Variants in ZNF343 observed in about 807,000 individuals in gnomAD.
ZNF343 encodes the protein zinc finger protein 343.
ZNF343 carries 11 observed loss-of-function variants against 13.8 expected under a neutral mutation model. The ratio of observed to expected loss-of-function variants is 0.80; its 90% CI spans 0.50 to 1.32. The LOEUF (loss-of-function observed/expected upper bound fraction) is 1.32, where lower values mean the gene tolerates loss of function less well. Ranked by LOEUF, ZNF343 falls within the 40% of genes most tolerant of loss-of-function variation. The pLI is 0.00. For missense variants in ZNF343, 658 were observed against 714.2 expected (o/e 0.92, Z 0.90); for synonymous variants, 248 against 260.0 (o/e 0.95, Z 0.44).
At chr20:2,495,820 A>G (rs1292916702) in intron 2 of ZNF343, among the ~76,000 whole-genome samples, 1 of 151,980 alleles carries the variant, frequency 6.6e-6, no homozygotes, top group Non-Finnish European at 1.5e-5. Context: ...ACCTGGGATT[A>G]CAGGCACCTG....
At chr20:2,517,533 ACT>A (rs955247798) in intron 1 of ZNF343, among the ~76,000 whole-genome samples, 4 of 149,698 alleles carry the variant, frequency 2.7e-5, no homozygotes, top group Admixed American at 1.3e-4. Flanking sequence ...CTTACTCTGC[ACT>A]CTGTCACCCA....
At chr20:2,489,964 C>T (rs1442848426) in intron 5 of ZNF343, among the ~76,000 whole-genome samples, 1 of 140,138 alleles carries the variant, frequency 7.1e-6, no homozygotes, top group Non-Finnish European at 1.5e-5. Flanking sequence ...CCAGCCTGGA[C>T]AACATGGCAA....
intron 1 of ZNF343, among the ~76,000 whole-genome samples, chr20:2,513,950 G>T (rs755922334): frequency 1.3e-5 from 2 of 152,212 alleles, no homozygotes; most frequent in Admixed American, 6.5e-5. Context: ...ACAGAAAGTA[G>T]ATTAGTAGCA....
At chr20:2,493,004 C>T in intron 4 of ZNF343, 179 bp from the exon 5 acceptor site, 1 of 736,116 alleles carries the variant, frequency 1.4e-6, no homozygotes, top group Non-Finnish European at 2.2e-6. Flanking sequence ...CTGTTAAAAC[C>T]TGTGAGGAGC....
chr20:2,485,860 T>C (rs781453377), intron 5 of ZNF343, among the ~76,000 whole-genome samples: 55 of 152,254 alleles, frequency 3.6e-4, no homozygotes, highest in Non-Finnish European at 6.5e-4. Flanking sequence ...GCTGCTTGTC[T>C]GGCAGCCTTG....
intron 1 of ZNF343, among the ~76,000 whole-genome samples, chr20:2,507,094 G>A (rs1163411624): frequency 3.3e-4 from 50 of 151,750 alleles, no homozygotes; most frequent in African/African-American, 1.1e-3. Flanking sequence ...GAGAAACCCC[G>A]TGTCTACTAA....
upstream of ZNF343, among the ~76,000 whole-genome samples, chr20:2,509,989 A>G (rs1166320971): frequency 1.3e-5 from 2 of 152,210 alleles, no homozygotes; most frequent in Non-Finnish European, 2.9e-5. Context: ...AGGCCTGATG[A>G]GCCATCTCTT....
At chr20:2,519,370 A>G (rs2085773203) in intron 1 of ZNF343, among the ~76,000 whole-genome samples, 1 of 152,170 alleles carries the variant, frequency 6.6e-6, no homozygotes, top group Admixed American at 6.5e-5. Flanking sequence ...CCTAACCATG[A>G]ACCTGACCTT....
intron 2 of ZNF343, 80 bp from the exon 3 acceptor site, chr20:2,494,124 T>G (rs1015378036): frequency 2.0e-6 from 1 of 493,968 alleles, no homozygotes; most frequent in Non-Finnish European, 3.6e-6. Context: ...ACAGGGATCC[T>G]GTCCTCTCAC....
intron 2 of ZNF343, among the ~76,000 whole-genome samples, chr20:2,496,899 G>T (rs2085468540): frequency 6.6e-6 from 1 of 152,120 alleles, no homozygotes; most frequent in African/African-American, 2.4e-5. Flanking sequence ...TGACCAACAT[G>T]GAGAAACCCC....
At chr20:2,503,318 A>G (rs2085601581) in intron 1 of ZNF343, among the ~76,000 whole-genome samples, 1 of 152,222 alleles carries the variant, frequency 6.6e-6, no homozygotes, top group African/African-American at 2.4e-5. Context: ...GCAAGTCCTT[A>G]GAGACCTAGA....
chr20:2,489,648 G>T (rs530315672), intron 5 of ZNF343, among the ~76,000 whole-genome samples: 2 of 152,288 alleles, frequency 1.3e-5, no homozygotes, highest in East Asian at 3.9e-4. Context: ...AACCACACCT[G>T]AAGTAACCAA....
intron 2 of ZNF343, chr20:2,495,668 T>G (rs1156922199): frequency 6.8e-6 from 1 of 146,098 alleles, no homozygotes; most frequent in African/African-American, 2.5e-5. Context: ...AGTGCAGACT[T>G]TTTTTTTTCT....
intron 5 of ZNF343, chr20:2,492,169 T>C (rs1159391071): frequency 6.4e-6 from 1 of 155,846 alleles, no homozygotes; most frequent in Admixed American, 6.5e-5. Flanking sequence ...CTCTTAATTT[T>C]AACTTATGTC....
In ZNF343 at chr20:2,491,948, G is replaced by A. The variant is rs2085372018; in HGVS notation, c.304+751C>T. The A allele has an allele frequency of 2.0e-5, 3 of 152,766 alleles. No homozygotes were observed. In the Admixed American group the frequency reaches 2.0e-4, roughly 10 times the overall value. 9.5% of individuals were successfully genotyped at this position (152,766 alleles called of 1,614,324 possible). A position where few individuals can be genotyped will look rare whatever the true frequency, so the allele number is the denominator to read the frequency against. On this transcript the variant is annotated intron_variant, in intron 5 of 5. Coordinates refer to ENST00000278772, the MANE Select transcript of ZNF343 (RefSeq NM_024325.6). ...GGCTCACTGCAACCTCTGACTCCCT[G>A]GTTCAAGTGATTCTCCTGCCTCAGG... is the stretch of plus-strand genomic sequence containing the variant.
upstream of ZNF343, among the ~76,000 whole-genome samples, chr20:2,512,090 A>G (rs1439523060): frequency 3.9e-5 from 6 of 152,244 alleles, no homozygotes; most frequent in African/African-American, 1.4e-4. Context: ...AAAGAATAAC[A>G]TATTTAGGAA....
chr20:2,492,951 C>A, intron 4 of ZNF343, 126 bp from the exon 5 acceptor site: 1 of 1,357,820 alleles, frequency 7.4e-7, no homozygotes. Flanking sequence ...ATATATGGTT[C>A]TCCATATGAA....
chr20:2,511,400 G>A (rs537731863), upstream of ZNF343, among the ~76,000 whole-genome samples: 12 of 152,110 alleles, frequency 7.9e-5, no homozygotes, highest in South Asian at 2.1e-4. Context: ...ATGAGCCACC[G>A]CACCTGGCCT....
At chr20:2,500,623 G>A (rs1030513553) in intron 2 of ZNF343, 33 bp downstream of exon 2, 3 of 152,204 alleles carry the variant, frequency 2.0e-5, no homozygotes, top group Admixed American at 6.5e-5. Context: ...CAGAAAAGAC[G>A]CTATGGGAAT....
Sources: gnomAD v4.1 joint callset for allele counts (sites outside exome capture counted in the v4.1 genomes callset) on GRCh38, gnomAD v4.1.1 for gene constraint, MANE v1.5 for transcripts, NCBI Gene and HGNC (gene_info 2026-07-23, HGNC 2026-07-21) for gene names.